Variants in NTNG1 observed in about 807,000 individuals in gnomAD.
NTNG1 encodes netrin-G1.
A neutral mutation model predicts 54.0 loss-of-function variants in NTNG1; 16 were observed. The ratio of observed to expected loss-of-function variants is 0.30; its 90% CI spans 0.20 to 0.45. The LOEUF (loss-of-function observed/expected upper bound fraction) is 0.45. Among genes scored for constraint, NTNG1 ranks in the 20% least tolerant of loss-of-function variants. The probability of loss-of-function intolerance (pLI) is 1.00; values close to 1 mark genes in which losing one functional copy is unlikely to be tolerated. For synonymous variants in NTNG1, 255 were observed against 263.1 expected, an observed-to-expected ratio of 0.97 and a Z score of 0.30; for missense variants, 530 against 678.7, an observed-to-expected ratio of 0.78 and a Z score of 2.43.
chr1:107,145,216 G>C (rs553459893), intron 1 of NTNG1, among the ~76,000 whole-genome samples: 104 of 152,170 alleles, frequency 6.8e-4, no homozygotes, highest in Non-Finnish European at 1.3e-3. Context: ...TGGAGGTTAA[G>C]TTGTAAATAA....
intron 3 of NTNG1, among the ~76,000 whole-genome samples, chr1:107,374,389 G>T: frequency 6.6e-6 from 1 of 151,858 alleles, no homozygotes; most frequent in Non-Finnish European, 1.5e-5. Flanking sequence ...ACTTTACATT[G>T]GCATGCAATT....
chr1:107,190,371 T>A (rs1422939904), intron 2 of NTNG1, among the ~76,000 whole-genome samples: 1 of 152,150 alleles, frequency 6.6e-6, no homozygotes. Context: ...AAGAGCAAGA[T>A]GTCTTAGAAG....
intron 3 of NTNG1, among the ~76,000 whole-genome samples, chr1:107,366,579 C>T (rs1227660850): frequency 6.6e-6 from 1 of 152,172 alleles, no homozygotes; most frequent in Non-Finnish European, 1.5e-5. Context: ...TTCTGTAAAG[C>T]TCTCTGTATA....
At chr1:107,170,740 A>G (rs988907841) in intron 2 of NTNG1, among the ~76,000 whole-genome samples, 1 of 152,152 alleles carries the variant, frequency 6.6e-6, no homozygotes. Flanking sequence ...AAAAAATGGA[A>G]TAAAAGTAGC....
intron 2 of NTNG1, among the ~76,000 whole-genome samples, chr1:107,276,947 A>G (rs1225899439): frequency 6.6e-6 from 1 of 151,868 alleles, no homozygotes; most frequent in Non-Finnish European, 1.5e-5. Flanking sequence ...TATGAAAGAG[A>G]TTTATTGGGG....
chr1:107,362,431 A>C (rs559796722), intron 3 of NTNG1, among the ~76,000 whole-genome samples: 2 of 152,300 alleles, frequency 1.3e-5, no homozygotes, highest in South Asian at 4.1e-4. Flanking sequence ...TGCTTTAATT[A>C]CTGGAAAGCT....
chr1:107,397,328 G>T (rs1422013511), intron 4 of NTNG1, among the ~76,000 whole-genome samples: 1 of 152,196 alleles, frequency 6.6e-6, no homozygotes, highest in Non-Finnish European at 1.5e-5. Flanking sequence ...ACTATCTGCA[G>T]ATCTGCAGTG....
intron 2 of NTNG1, among the ~76,000 whole-genome samples, chr1:107,319,706 G>T (rs991409871): frequency 6.6e-5 from 10 of 152,010 alleles, no homozygotes; most frequent in African/African-American, 2.4e-4. Context: ...GTACATGTCT[G>T]CTTGGCATGT....
chr1:107,233,112 A>G (rs1229663738), intron 2 of NTNG1, among the ~76,000 whole-genome samples: 2 of 152,358 alleles, frequency 1.3e-5, no homozygotes, highest in East Asian at 1.9e-4. Flanking sequence ...AAGTCCATCA[A>G]TATGAGATTA....
At chr1:107,234,268 A>T (rs751544486) in intron 2 of NTNG1, among the ~76,000 whole-genome samples, 12 of 152,084 alleles carry the variant, frequency 7.9e-5, no homozygotes, top group Non-Finnish European at 1.2e-4. Context: ...GATTACAGAT[A>T]CCTGACACCA....
chr1:107,288,954 A>G (rs762468511), intron 2 of NTNG1, among the ~76,000 whole-genome samples: 1 of 152,154 alleles, frequency 6.6e-6, no homozygotes, highest in African/African-American at 2.4e-5. Flanking sequence ...GTATACACAC[A>G]AGAAACCTCG....
At chr1:107,269,579 A>G (rs1419267393) in intron 2 of NTNG1, among the ~76,000 whole-genome samples, 1 of 152,192 alleles carries the variant, frequency 6.6e-6, no homozygotes, top group East Asian at 1.9e-4. Context: ...CCCAATACCT[A>G]GAATAACATC....
chr1:107,242,921 A>G (rs1661942658), intron 2 of NTNG1, among the ~76,000 whole-genome samples: 1 of 152,246 alleles, frequency 6.6e-6, no homozygotes, highest in Non-Finnish European at 1.5e-5. Flanking sequence ...TTGAGAAGAA[A>G]TAATTCTTTG....
intron 7 of NTNG1, among the ~76,000 whole-genome samples, chr1:107,477,423 C>A: frequency 6.6e-6 from 1 of 152,188 alleles, no homozygotes; most frequent in Admixed American, 6.5e-5. Context: ...TTCTCTGCTC[C>A]CTCTAGTGCC....
rs566469020 is a variant in NTNG1, at chr1:107,247,495, G to A, written c.247-76787G>A. On this transcript the variant is annotated intron_variant, in intron 2 of 7. Coordinates refer to ENST00000370068, the MANE Select transcript of NTNG1 (RefSeq NM_001113226.3). Reference sequence around the variant, plus strand: ...TCTTCTGTAAAGTGAGTATAATAACGTCTTTCAGTGTGTGTTAGTGAATTC... The same window carrying A: ...TCTTCTGTAAAGTGAGTATAATAACATCTTTCAGTGTGTGTTAGTGAATTC... Among the ~76,000 whole-genome samples, 585 of 152,220 alleles carry A rather than the reference G, an allele frequency of 3.8e-3. 6 individuals carry two copies. Among genetic ancestry groups the A allele is most frequent in the Non-Finnish European group, 3.7e-3 (250 of 68,010 alleles).
At chr1:107,433,787 G>C (rs1675428726) in intron 6 of NTNG1, among the ~76,000 whole-genome samples, 1 of 152,186 alleles carries the variant, frequency 6.6e-6, no homozygotes, top group Non-Finnish European at 1.5e-5. Context: ...TTGAGGCGCT[G>C]AGGACAGTGG....
At chr1:107,442,038 G>A (rs1675998765) in intron 7 of NTNG1, among the ~76,000 whole-genome samples, 1 of 152,050 alleles carries the variant, frequency 6.6e-6, no homozygotes, top group African/African-American at 2.4e-5. Flanking sequence ...ATTGTTCAGA[G>A]GAAAATTGGA....
At chr1:107,239,868 G>A (rs903694131) in intron 2 of NTNG1, among the ~76,000 whole-genome samples, 3 of 152,118 alleles carry the variant, frequency 2.0e-5, no homozygotes, top group Non-Finnish European at 2.9e-5. Flanking sequence ...GATAATACTA[G>A]GATCTCTATA....
chr1:107,202,019 T>C (rs533724842), intron 2 of NTNG1, among the ~76,000 whole-genome samples: 2 of 152,030 alleles, frequency 1.3e-5, no homozygotes, highest in South Asian at 4.1e-4. Flanking sequence ...TTCTTTTGGC[T>C]TTAAATTTTA....
Sources: allele counts gnomAD v4.1 joint callset (sites outside exome capture counted in the v4.1 genomes callset), GRCh38; gene constraint gnomAD v4.1.1; transcripts MANE v1.5; gene names NCBI Gene and HGNC (gene_info 2026-07-23, HGNC 2026-07-21).